The following UNC93A variants were observed in gnomAD, a reference collection of about 807,000 sequenced individuals.
UNC93A encodes the protein N-acetylglucosamine transporter UNC93A.
A neutral mutation model predicts 47.5 loss-of-function variants in UNC93A; 43 were observed. That is an observed-to-expected ratio of 0.91 (90% CI 0.71 to 1.17). UNC93A has a LOEUF of 1.17. Among genes scored for constraint, UNC93A ranks in the 50% most tolerant of loss-of-function variants. The probability of loss-of-function intolerance (pLI) is 0.00; values close to 1 mark genes in which losing one functional copy is unlikely to be tolerated. For missense variants in UNC93A, 605 were observed against 577.6 expected (o/e 1.05, Z -0.49); for synonymous variants, 280 against 258.0 (o/e 1.09, Z -0.82).
Position 167,276,063 on chromosome 6 carries a change from TC to T in UNC93A, c.-52+4606del, listed in dbSNP as rs201666800. On this transcript the variant is annotated intron_variant, in intron 1 of 3. Coordinates refer to the UNC93A transcript ENST00000503433. ...ATGAGATCATTTTTTTCTTTTCTTT[TC>T]TTTTTTTTTTTTTAGCTCACACATA... Among the ~76,000 whole-genome samples, 812 of 129,092 alleles carry T rather than the reference TC, an allele frequency of 6.3e-3. 34 individuals carry two copies. Among genetic ancestry groups the T allele is most frequent in the South Asian group, 0.01 (44 of 4,260 alleles). The allele number at this position is 129,092 out of a possible 152,430, so 84.7% of individuals were successfully genotyped here. A position where few individuals can be genotyped will look rare whatever the true frequency, so the allele number is the denominator to read the frequency against.
chr6:167,272,069 G>A (rs1783459661), intron 1 of UNC93A, among the ~76,000 whole-genome samples: 1 of 152,162 alleles, frequency 6.6e-6, no homozygotes, highest in South Asian at 2.1e-4. Flanking sequence ...ATTATGTCCT[G>A]CTTTTAGGCA....
intron 4 of UNC93A, among the ~76,000 whole-genome samples, chr6:167,302,283 A>C (rs12665714): frequency 0.26 from 39,254 of 152,082 alleles, 5,115 homozygotes; most frequent in Middle Eastern, 0.32. Context: ...ACACGAGGAC[A>C]CTGATGCTGA....
Position 167,297,990 on chromosome 6 carries a change from G to C in UNC93A, c.545G>C (p.Cys182Ser). The C allele has an allele frequency of 6.2e-7, 1 of 1,614,074 alleles. No individual in the cohort carries two copies. Among genetic ancestry groups the C allele is most frequent in the African/African-American group, 1.3e-5 (1 of 75,008 alleles). Reference protein sequence around the residue: ...EQLTSCGASDCLMATTTTNST... With the variant: ...EQLTSCGASDSLMATTTTNST... Reference sequence around the variant, plus strand: ...CTCACGTCCTGTGGGGCCAGTGACTGCCTGATGGCCACCACAACCACCAAC... The same window carrying C: ...CTCACGTCCTGTGGGGCCAGTGACTCCCTGATGGCCACCACAACCACCAAC... Residue 182 changes from cysteine (C) to serine (S), a missense_variant, in exon 4 of 8, where the codon TGC (cysteine) becomes TCC (serine). Cys to Ser is a moderately radical substitution (Grantham distance 112). Transcript: ENST00000230256.
intron 5 of UNC93A, among the ~76,000 whole-genome samples, chr6:167,305,578 T>C (rs16900170): frequency 0.014 from 2,180 of 152,168 alleles, 63 homozygotes; most frequent in African/African-American, 0.05. Flanking sequence ...TAACTCTCTT[T>C]AGACCTAACA....
upstream of UNC93A, among the ~76,000 whole-genome samples, chr6:167,287,111 ACAGCCGTATTTGG>A (rs1344217238): frequency 6.6e-6 from 1 of 151,326 alleles, no homozygotes; most frequent in Non-Finnish European, 1.5e-5. Context: ...CTATCCAATC[ACAGCCGTATTTGG>A]CTCTCAGCTG....
At chr6:167,270,392 G>A (rs1783432684), upstream of UNC93A, among the ~76,000 whole-genome samples, 1 of 152,064 alleles carries the variant, frequency 6.6e-6, no homozygotes, top group Non-Finnish European at 1.5e-5. Context: ...GCGGAGGGCT[G>A]TGGGGTGCCC....
intron 4 of UNC93A, among the ~76,000 whole-genome samples, chr6:167,300,196 AT>A (rs1778203483): frequency 6.6e-6 from 1 of 152,208 alleles, no homozygotes; most frequent in Non-Finnish European, 1.5e-5. Flanking sequence ...CCAGAGGCCA[AT>A]GCAAGTGTGG....
chr6:167,315,421 C>T lies in UNC93A; in HGVS notation c.1343C>T (p.Ala448Val), dbSNP rs1309936406. ...CACGCTCCAGGACAGGTCAACCAGGCAGAGGATGAAGAAATACAAACAAAA... is the reference window on the plus strand; with the variant it reads ...CACGCTCCAGGACAGGTCAACCAGGTAGAGGATGAAGAAATACAAACAAAA... ...RPHAPGQVNQAEDEEIQTKM is the reference protein window; with the variant it reads ...RPHAPGQVNQVEDEEIQTKM Residue 448 changes from alanine to valine, a missense_variant, in exon 8 of 8, where the codon GCA becomes GTA. Coordinates refer to ENST00000230256, the MANE Select transcript of UNC93A (RefSeq NM_018974.4). The T allele has an allele frequency of 1.2e-6, 2 of 1,613,956 alleles. No individual in the cohort carries two copies. Among genetic ancestry groups the T allele is most frequent in the Non-Finnish European group, 1.7e-6 (2 of 1,179,880 alleles).
chr6:167,295,164 G>A (rs1778019504), intron 2 of UNC93A, among the ~76,000 whole-genome samples: 1 of 152,166 alleles, frequency 6.6e-6, no homozygotes, highest in Admixed American at 6.5e-5. Context: ...CTGGTGAGAT[G>A]GACCACAGAG....
upstream of UNC93A, among the ~76,000 whole-genome samples, chr6:167,269,684 G>T (rs1783420523): frequency 6.6e-6 from 1 of 152,082 alleles, no homozygotes. Flanking sequence ...TCGGCTCACT[G>T]CCAGCTCCGC....
intron 7 of UNC93A, among the ~76,000 whole-genome samples, chr6:167,312,475 G>A (rs1478509349): frequency 3.9e-5 from 6 of 152,216 alleles, no homozygotes; most frequent in African/African-American, 1.4e-4. Flanking sequence ...TCTCCCCGAT[G>A]TATTTATTAC....
At chr6:167,312,425 T>C (rs953699324) in intron 7 of UNC93A, among the ~76,000 whole-genome samples, 1 of 152,184 alleles carries the variant, frequency 6.6e-6, no homozygotes, top group African/African-American at 2.4e-5. Context: ...GGAATGTCTA[T>C]GTGTACTCTG....
intron 1 of UNC93A, among the ~76,000 whole-genome samples, chr6:167,284,764 G>A (rs558758914): frequency 7.1e-3 from 1,086 of 152,020 alleles, no homozygotes; most frequent in Admixed American, 0.063. Flanking sequence ...TCCCGTGTCC[G>A]GGGTGCAGAC....
At chr6:167,307,685 T>G in intron 6 of UNC93A, 94 bp from the exon 7 acceptor site, 126 of 1,488,660 alleles carry the variant, frequency 8.5e-5, no homozygotes, top group Middle Eastern at 3.6e-4. Flanking sequence ...AGAGGACGGT[T>G]GAGATGGTTG....
rs140077419 is a variant in UNC93A at position 167,301,855 on chromosome 6, G to A, written c.626-2064G>A. ...TCAGCTCAGGGGGTCGGCTTGGAAG[G>A]GGGCCCTGATCATTGTAAATACCCT... On this transcript the variant is annotated intron_variant, in intron 4 of 7. Coordinates refer to ENST00000230256, the MANE Select transcript of UNC93A (RefSeq NM_018974.4). Among the ~76,000 whole-genome samples, 1,283 of 152,222 alleles carry A rather than the reference G, an allele frequency of 8.4e-3. 11 individuals carry two copies. The highest frequency in any genetic ancestry group is 0.013 in the Non-Finnish European group (853 of 68,024).
At position 167,315,288 on chromosome 6, in the gene UNC93A, T is replaced by C. The variant is rs138732131; in HGVS notation, c.1210T>C (p.Phe404Leu). Reference sequence around the variant, plus strand: ...CGTCATTGCCTTCGGGTACAGCATGTTTTTGTGCGTGCACGTCAAGCTCTA... The same window carrying C: ...CGTCATTGCCTTCGGGTACAGCATGCTTTTGTGCGTGCACGTCAAGCTCTA... ...GFVIAFGYSMFLCVHVKLYIL... is the reference protein window; with the variant it reads ...GFVIAFGYSMLLCVHVKLYIL... The change falls in exon 8 of 8, where the codon TTT (phenylalanine) becomes CTT (leucine). Residue 404 changes from phenylalanine (F) to leucine (L), a missense_variant. Physicochemically the swap from Phe to Leu is conservative, Grantham distance 22. Coordinates refer to ENST00000230256, the MANE Select transcript of UNC93A (RefSeq NM_018974.4). The C allele has an allele frequency of 6.0e-3, 9,677 of 1,612,592 alleles. 229 individuals are homozygous for C. In the East Asian group the frequency reaches 0.083, roughly 14 times the overall value.
intron 1 of UNC93A, among the ~76,000 whole-genome samples, chr6:167,280,712 C>A (rs1358171725): frequency 6.6e-6 from 1 of 152,096 alleles, no homozygotes; most frequent in African/African-American, 2.4e-5. Flanking sequence ...ATAAGTTCCT[C>A]AAATGATTGT....
chr6:167,287,077 ACAATCACAGCCCGGCTTCCTCGGCTATC>A (rs1583066830), upstream of UNC93A, among the ~76,000 whole-genome samples: 2 of 151,368 alleles, frequency 1.3e-5, no homozygotes, highest in East Asian at 3.9e-4. Context: ...TCTCGGCTGT[ACAATCACAGCCCGGCTTCCTCGGCTATC>A]CAATCACAGC....
At chr6:167,295,570 G>A (rs1285427049) in intron 2 of UNC93A, among the ~76,000 whole-genome samples, 6 of 94,912 alleles carry the variant, frequency 6.3e-5, no homozygotes, top group Non-Finnish European at 9.6e-5. Context: ...CGCCTCCCTC[G>A]TGATCCTCGC....
Sources: allele counts gnomAD v4.1 joint callset (sites outside exome capture counted in the v4.1 genomes callset), GRCh38; gene constraint gnomAD v4.1.1; transcripts MANE v1.5; gene names NCBI Gene and HGNC (gene_info 2026-07-23, HGNC 2026-07-21).